ARRDC5: variants seen among roughly 807,000 people sequenced by gnomAD.
The protein encoded by ARRDC5 is arrestin domain-containing protein 5.
In ARRDC5, 12 loss-of-function variants were observed where a neutral mutation model predicts 13.3. That is an observed-to-expected ratio of 0.90 (90% confidence interval 0.58 to 1.46). The LOEUF is 1.46. Ranked by LOEUF, ARRDC5 falls within the 40% of genes most tolerant of loss-of-function variation. The pLI is 0.00. For synonymous variants in ARRDC5, 181 were observed against 173.4 expected, an observed-to-expected ratio of 1.04 and a Z score of -0.34; for missense variants, 406 against 418.7, an observed-to-expected ratio of 0.97 and a Z score of 0.26.
the ARRDC5 span, among the ~76,000 whole-genome samples, chr19:4,908,377 A>G: frequency 0.18 from 27,312 of 151,868 alleles, 5,173 homozygotes; most frequent in African/African-American, 0.48. Context: ...GGAACTCAAC[A>G]TTTTTCTGCT....
chr19:4,913,177 A>G, the ARRDC5 span, among the ~76,000 whole-genome samples: 2 of 151,768 alleles, frequency 1.3e-5, no homozygotes, highest in East Asian at 1.9e-4. Context: ...GAGTCATACA[A>G]TAGTGTCTGT....
rs2031479612 is a variant in ARRDC5 at position 4,890,981 on chromosome 19, G to A, written c.*65C>T. 2 of 1,401,702 alleles carry A rather than the reference G, an allele frequency of 1.4e-6. No homozygotes were observed. The highest frequency in any genetic ancestry group is 2.2e-5 in the Admixed American group (1 of 44,510). 86.8% of individuals were successfully genotyped at this position (1,401,702 alleles called of 1,614,324 possible). Reference sequence around the variant, plus strand: ...CTCGACTCCTCTGAGAGTCACCTGTGCAAGAGAGAGGGCTTCCTCCTGGTA... The same window carrying A: ...CTCGACTCCTCTGAGAGTCACCTGTACAAGAGAGAGGGCTTCCTCCTGGTA... On this transcript the variant is annotated 3_prime_UTR_variant, in exon 3 of 3. Coordinates refer to ENST00000650722, the MANE Select transcript of ARRDC5 (RefSeq NM_001080523.3).
At chr19:4,900,307 G>A (rs1402030997) in intron 1 of ARRDC5, among the ~76,000 whole-genome samples, 2 of 151,452 alleles carry the variant, frequency 1.3e-5, no homozygotes, top group Non-Finnish European at 2.9e-5. Context: ...TAGTAGAGAC[G>A]GGGTTTCACC....
intron 2 of ARRDC5, among the ~76,000 whole-genome samples, chr19:4,894,431 A>C (rs2031631035): frequency 7.0e-6 from 1 of 143,384 alleles, no homozygotes; most frequent in Non-Finnish European, 1.5e-5. Flanking sequence ...GAATGGCGTG[A>C]ACCCGGGAGG....
chr19:4,895,791 C>G (rs1490931508), intron 2 of ARRDC5, among the ~76,000 whole-genome samples: 1 of 152,178 alleles, frequency 6.6e-6, no homozygotes, highest in Non-Finnish European at 1.5e-5. Flanking sequence ...TCCCCAGGGT[C>G]GTGTCTCCCT....
At chr19:4,896,169 G>T (rs1274852448) in intron 2 of ARRDC5, among the ~76,000 whole-genome samples, 1 of 151,718 alleles carries the variant, frequency 6.6e-6, no homozygotes, top group Non-Finnish European at 1.5e-5. Context: ...ACAAAAATTA[G>T]CTGGGCATGG....
chr19:4,893,727 A>T, intron 2 of ARRDC5, among the ~76,000 whole-genome samples: 1 of 45,078 alleles, frequency 2.2e-5, no homozygotes, highest in African/African-American at 1.5e-4. Flanking sequence ...CCCTGTCTCC[A>T]AAAAAAAAAA....
intron 1 of ARRDC5, among the ~76,000 whole-genome samples, chr19:4,899,282 A>G (rs1291196151): frequency 2.0e-5 from 3 of 151,248 alleles, no homozygotes; most frequent in Admixed American, 2.0e-4. Context: ...ACTGCACTCC[A>G]GCCTGGGCGA....
intron 2 of ARRDC5, among the ~76,000 whole-genome samples, chr19:4,894,510 C>CAAAAAAAAAAA (rs575777769): frequency 3.1e-3 from 85 of 27,214 alleles, no homozygotes; most frequent in African/African-American, 0.013. Flanking sequence ...GACTCCGTCT[C>CAAAAAAAAAAA]AAAAAAAAAA....
chr19:4,891,364 G>C lies in ARRDC5; in HGVS notation c.669C>G (p.Pro223=). ...CCAGCCGAGACCGCCGCTCTGCACT[G>C]GGCGTGAAGCCCTCGTACTGTATGT... The part of the protein sequence containing the change: ...YAHIQYEGFT[P]SAERRSRLDS... Residue 223 remains proline, a synonymous_variant, in exon 3 of 3, where the codon CCC becomes CCG. Coordinates refer to ENST00000650722, the MANE Select transcript of ARRDC5 (RefSeq NM_001080523.3). 6.2e-7 allele frequency: 1 copy of C among 1,613,698 alleles called. No homozygotes were observed. The highest frequency in any genetic ancestry group is 8.5e-7 in the Non-Finnish European group (1 of 1,179,880).
At chr19:4,916,374 T>G in the ARRDC5 span, among the ~76,000 whole-genome samples, 1 of 150,634 alleles carries the variant, frequency 6.6e-6, no homozygotes, top group Non-Finnish European at 1.5e-5. Flanking sequence ...GCGCGCCCCC[T>G]CTTTTAGCTG....
chr19:4,909,356 C>T, the ARRDC5 span: 2 of 606,856 alleles, frequency 3.3e-6, no homozygotes, highest in African/African-American at 2.0e-5. Flanking sequence ...GGCGGAGGCG[C>T]CGTGGACAGA....
intron 1 of ARRDC5, among the ~76,000 whole-genome samples, chr19:4,901,575 C>T (rs1008954467): frequency 6.6e-6 from 1 of 151,600 alleles, no homozygotes; most frequent in African/African-American, 2.4e-5. Flanking sequence ...GATGGTGCCA[C>T]TTCACTCCAG....
the ARRDC5 span, chr19:4,909,203 T>G: frequency 2.2e-6 from 1 of 459,364 alleles, no homozygotes; most frequent in Non-Finnish European, 3.9e-6. Flanking sequence ...GACTTAAGAG[T>G]TCAGGGGGTC....
Position 4,901,351 on chromosome 19 carries a change from C to T in ARRDC5, c.253+1222G>A, listed in dbSNP as rs182481010. Among the ~76,000 whole-genome samples the T allele has an allele frequency of 2.6e-4, 40 of 152,232 alleles. No individual in the cohort carries two copies. In the South Asian group the frequency reaches 5.6e-3, roughly 21 times the overall value. Reference sequence around the variant, plus strand: ...AATACATAAGCCAGGCCTGGTGGCTCATGCCTGTAATCCCAGTACTTTGGG... The same window carrying T: ...AATACATAAGCCAGGCCTGGTGGCTTATGCCTGTAATCCCAGTACTTTGGG... On this transcript the variant is annotated intron_variant, in intron 1 of 2. Coordinates refer to ENST00000650722, the MANE Select transcript of ARRDC5 (RefSeq NM_001080523.3).
At position 4,899,204 on chromosome 19, in the gene ARRDC5, C is replaced by T. The variant is rs543826510; in HGVS notation, c.254-2328G>A. Among the ~76,000 whole-genome samples, 139 of 151,306 alleles carry T rather than the reference C, an allele frequency of 9.2e-4. 1 individual carries two copies. Among genetic ancestry groups the T allele is most frequent in the Non-Finnish European group, 1.7e-3 (118 of 67,918 alleles). Reference sequence around the variant, plus strand: ...GCGGGTGCCTGTAGTCCCAGCTACTCGGGAGGCCAAGGCAGGAGAATGGCG... The same window carrying T: ...GCGGGTGCCTGTAGTCCCAGCTACTTGGGAGGCCAAGGCAGGAGAATGGCG... On this transcript the variant is annotated intron_variant, in intron 1 of 2. Coordinates refer to ENST00000650722, the MANE Select transcript of ARRDC5 (RefSeq NM_001080523.3).
the ARRDC5 span, among the ~76,000 whole-genome samples, chr19:4,908,457 C>A: frequency 6.6e-6 from 1 of 152,114 alleles, no homozygotes; most frequent in Non-Finnish European, 1.5e-5. Flanking sequence ...ACCCCTCTGA[C>A]CTCAACTCCC....
chr19:4,890,930 G>A lies in ARRDC5; in HGVS notation c.*116C>T, dbSNP rs2031478377. 7.8e-6 allele frequency: 6 copies of A among 769,284 alleles called. No individual in the cohort carries two copies. In the East Asian group the frequency reaches 1.3e-4, roughly 17 times the overall value. 47.7% of individuals were successfully genotyped at this position (769,284 alleles called of 1,614,324 possible). ...TACCTAAACCGCTAGAGCTTGGGGA[G>A]GTTGCAGACAACCTGTTGCCCACTC... is the stretch of plus-strand genomic sequence containing the variant. On this transcript the variant is annotated 3_prime_UTR_variant, in exon 3 of 3. Transcript: ENST00000650722.
the ARRDC5 span, among the ~76,000 whole-genome samples, chr19:4,911,522 A>G: frequency 6.6e-6 from 1 of 152,034 alleles, no homozygotes; most frequent in African/African-American, 2.4e-5. Context: ...GCTTATTCAG[A>G]GTCTGGAGAT....
Sources: allele counts gnomAD v4.1 joint callset (sites outside exome capture counted in the v4.1 genomes callset), GRCh38; gene constraint gnomAD v4.1.1; transcripts MANE v1.5; gene names NCBI Gene and HGNC (gene_info 2026-07-23, HGNC 2026-07-21).